The following FBXW7 variants were observed in gnomAD, a reference collection of about 807,000 sequenced individuals.
FBXW7 encodes F-box and WD repeat domain containing 7.
Under a neutral mutation model 86.3 loss-of-function variants are expected in FBXW7, and 11 were observed. That is an observed-to-expected ratio of 0.13 (90% CI 0.08 to 0.21). The LOEUF is 0.21. Ranked by LOEUF, FBXW7 falls within the 10% of genes least tolerant of loss-of-function variation. FBXW7 has a pLI of 1.00. For missense variants in FBXW7, 488 were observed against 847.4 expected, an observed-to-expected ratio of 0.58 and a Z score of 5.27; for synonymous variants, 313 against 297.9, an observed-to-expected ratio of 1.05 and a Z score of -0.52.
intron 2 of FBXW7, among the ~76,000 whole-genome samples, chr4:152,479,721 A>G (rs1019749468): frequency 1.3e-5 from 2 of 152,166 alleles, no homozygotes; most frequent in South Asian, 2.1e-4. Flanking sequence ...CAAAAGGAAC[A>G]TGGTATCAGG....
intron 4 of FBXW7, among the ~76,000 whole-genome samples, chr4:152,403,186 T>A (rs1355001882): frequency 6.6e-6 from 1 of 152,156 alleles, no homozygotes; most frequent in Non-Finnish European, 1.5e-5. Context: ...ACTTTAGAAT[T>A]ATGTTTTAAG....
intron 2 of FBXW7, among the ~76,000 whole-genome samples, chr4:152,418,346 T>A (rs892114729): frequency 6.6e-6 from 1 of 152,226 alleles, no homozygotes; most frequent in Non-Finnish European, 1.5e-5. Context: ...TTTTCTTTAT[T>A]TCAAAGGACA....
At chr4:152,520,397 C>A (rs1222612449) in intron 2 of FBXW7, among the ~76,000 whole-genome samples, 1 of 144,846 alleles carries the variant, frequency 6.9e-6, no homozygotes, top group Admixed American at 7.2e-5. Context: ...TGCGCCACTG[C>A]AGTCCGCAGT....
intron 2 of FBXW7, among the ~76,000 whole-genome samples, chr4:152,520,522 T>C (rs1748919426): frequency 6.6e-6 from 1 of 152,106 alleles, no homozygotes; most frequent in African/African-American, 2.4e-5. Context: ...GTTGTCCTCT[T>C]TCTTTCCTAC....
chr4:152,407,903 C>A (rs543455621), intron 4 of FBXW7, among the ~76,000 whole-genome samples: 33 of 152,286 alleles, frequency 2.2e-4, no homozygotes, highest in Non-Finnish European at 2.5e-4. Context: ...CAGGGTTTTG[C>A]CATGTTGCCC....
intron 2 of FBXW7, among the ~76,000 whole-genome samples, chr4:152,476,101 G>A (rs1323350766): frequency 6.6e-6 from 1 of 152,092 alleles, no homozygotes; most frequent in Non-Finnish European, 1.5e-5. Flanking sequence ...ACTATTTAAG[G>A]CAATGATGTA....
chr4:152,471,700 AT>A (rs1743985364), intron 2 of FBXW7, among the ~76,000 whole-genome samples: 2 of 151,896 alleles, frequency 1.3e-5, no homozygotes, highest in African/African-American at 4.8e-5. Context: ...GGAGTCCGAG[AT>A]TAGTGTGGGC....
In FBXW7 at chr4:152,346,831, A is replaced by T. The variant is rs1578945930; in HGVS notation, c.726+99T>A. 4 of 1,474,418 alleles carry T rather than the reference A, an allele frequency of 2.7e-6. No individual in the cohort carries two copies. In the East Asian group the frequency reaches 9.1e-5, roughly 34 times the overall value. The allele number at this position is 1,474,418 out of a possible 1,614,324, so 91.3% of individuals were successfully genotyped here. A position where few individuals can be genotyped will look rare whatever the true frequency, so the allele number is the denominator to read the frequency against. ...TGATTTCAAAATTCATCCACAGTAT[A>T]CTATGTAACAGTGTTTCCTTCTTTT... On this transcript the variant is annotated intron_variant, in intron 6 of 13. Transcript: ENST00000281708.
At chr4:152,359,791 A>G (rs1046594214) in intron 4 of FBXW7, among the ~76,000 whole-genome samples, 11 of 152,266 alleles carry the variant, frequency 7.2e-5, no homozygotes, top group African/African-American at 2.6e-4. Context: ...CACAAAGACA[A>G]GAAACAAATA....
chr4:152,472,711 G>C (rs2149654973), intron 2 of FBXW7, among the ~76,000 whole-genome samples: 1 of 152,234 alleles, frequency 6.6e-6, no homozygotes, highest in East Asian at 1.9e-4. Context: ...TTACAAAAGT[G>C]TGTTCATTTT....
At chr4:152,389,240 C>T (rs947620231) in intron 4 of FBXW7, among the ~76,000 whole-genome samples, 4 of 152,128 alleles carry the variant, frequency 2.6e-5, no homozygotes, top group Admixed American at 6.6e-5. Flanking sequence ...TCTCAGAGAA[C>T]TAATAATAGA....
chr4:152,429,432 A>C (rs1739688856), intron 2 of FBXW7, among the ~76,000 whole-genome samples: 2 of 152,074 alleles, frequency 1.3e-5, no homozygotes, highest in Admixed American at 1.3e-4. Context: ...GATTGAAGGA[A>C]AAGCAATGTG....
chr4:152,362,412 A>AT (rs1409794884), intron 4 of FBXW7, among the ~76,000 whole-genome samples: 4 of 152,134 alleles, frequency 2.6e-5, no homozygotes, highest in African/African-American at 7.2e-5. Flanking sequence ...AAATTCCAGT[A>AT]TTTTTTAGTT....
chr4:152,514,989 T>C (rs1395182473), intron 2 of FBXW7, among the ~76,000 whole-genome samples: 1 of 152,060 alleles, frequency 6.6e-6, no homozygotes, highest in East Asian at 1.9e-4. Context: ...GAAAAGACAA[T>C]AAGTAGAAAT....
intron 4 of FBXW7, among the ~76,000 whole-genome samples, chr4:152,367,894 T>C (rs1733643824): frequency 6.6e-6 from 1 of 151,892 alleles, no homozygotes; most frequent in Non-Finnish European, 1.5e-5. Flanking sequence ...TTTAAAATTA[T>C]ACTAAAGAAA....
At chr4:152,487,826 T>C (rs1745482025) in intron 2 of FBXW7, among the ~76,000 whole-genome samples, 1 of 152,072 alleles carries the variant, frequency 6.6e-6, no homozygotes, top group South Asian at 2.1e-4. Flanking sequence ...TCAGTTTTAA[T>C]AGCTATACAA....
chr4:152,372,484 G>T (rs1465278332), intron 4 of FBXW7, among the ~76,000 whole-genome samples: 1 of 151,940 alleles, frequency 6.6e-6, no homozygotes, highest in Non-Finnish European at 1.5e-5. Flanking sequence ...CAAAATATAT[G>T]AATATTCAGA....
chr4:152,460,776 C>T (rs1183245468), intron 2 of FBXW7, among the ~76,000 whole-genome samples: 1 of 152,052 alleles, frequency 6.6e-6, no homozygotes, highest in Non-Finnish European at 1.5e-5. Context: ...GCTGAGCTTC[C>T]TGGATATGTA....
At chr4:152,366,364 A>G (rs116095900) in intron 4 of FBXW7, among the ~76,000 whole-genome samples, 192 of 152,256 alleles carry the variant, frequency 1.3e-3, no homozygotes, top group African/African-American at 4.4e-3. Flanking sequence ...TCACTATTAA[A>G]AGGAATACAC....
Sources: allele counts gnomAD v4.1 joint callset (sites outside exome capture counted in the v4.1 genomes callset), GRCh38; gene constraint gnomAD v4.1.1; transcripts MANE v1.5; gene names NCBI Gene and HGNC (gene_info 2026-07-23, HGNC 2026-07-21).